The following MYO7B variants were observed in gnomAD, a reference collection of about 807,000 sequenced individuals.
MYO7B encodes the protein myosin VIIB.
In MYO7B, 212 loss-of-function variants were observed where a neutral mutation model predicts 259.7. The observed-to-expected ratio is 0.82, with a 90% CI of 0.73 to 0.91. The LOEUF (loss-of-function observed/expected upper bound fraction) is 0.91. Ranked by LOEUF, MYO7B falls within the 40% of genes least tolerant of loss-of-function variation. The pLI is 0.00. For synonymous variants in MYO7B, 1,197 were observed against 1,166.4 expected (o/e 1.03, Z -0.54); for missense variants, 2,732 against 2,813.5 (o/e 0.97, Z 0.66).
chr2:127,584,355 C>A lies in MYO7B; in HGVS notation c.1554+23C>A, dbSNP rs1262204305. Reference sequence around the variant, plus strand: ...CAGGTGTGTGTTCGGGCCTGCCGACCTTCTGGTGGAGGCCCTGCTATGGGT... The same window carrying A: ...CAGGTGTGTGTTCGGGCCTGCCGACATTCTGGTGGAGGCCCTGCTATGGGT... On this transcript the variant is annotated intron_variant, in intron 13 of 47. Transcript: ENST00000409816. The surrounding 1 kb of genome is among the most constrained non-coding windows in gnomAD (Gnocchi z 5.8). The A allele has an allele frequency of 1.9e-6, 3 of 1,610,690 alleles. No individual in the cohort carries two copies. Among genetic ancestry groups the A allele is most frequent in the Non-Finnish European group, 1.7e-6 (2 of 1,177,316 alleles).
chr2:127,567,810 GAGAC>G (rs999655380), intron 5 of MYO7B, among the ~76,000 whole-genome samples: 6 of 152,174 alleles, frequency 3.9e-5, no homozygotes, highest in African/African-American at 1.4e-4. Context: ...TCTAGAAGCG[GAGAC>G]AGACAGGCAA....
intron 18 of MYO7B, 109 bp from the exon 19 acceptor site, chr2:127,596,353 C>G (rs1679768702): frequency 3.3e-6 from 3 of 903,544 alleles, no homozygotes; most frequent in African/African-American, 3.3e-5. Context: ...GGCCTGCCCT[C>G]CTGGGAGAAG....
At chr2:127,556,600 C>T (rs1693643991) in intron 1 of MYO7B, among the ~76,000 whole-genome samples, 1 of 152,178 alleles carries the variant, frequency 6.6e-6, no homozygotes, top group South Asian at 2.1e-4. Flanking sequence ...CAAATTCTCT[C>T]AGCATTTGTT....
rs543003155 is a variant in MYO7B at position 127,630,082 on chromosome 2, C to A, written c.4806+256C>A. ...TCATGGGGGTGTCCGGGGGACAAACCCAATCTTTCTCTGCCTCATTTACAC... is the reference window on the plus strand; with the variant it reads ...TCATGGGGGTGTCCGGGGGACAAACACAATCTTTCTCTGCCTCATTTACAC... On this transcript the variant is annotated intron_variant, in intron 35 of 47. Coordinates refer to ENST00000409816, the MANE Select transcript of MYO7B (RefSeq NM_001393586.1). 4.1e-4 allele frequency among the ~76,000 whole-genome samples: 62 copies of A among 152,294 alleles called. No homozygotes were observed. In the South Asian group the frequency reaches 0.011, roughly 27 times the overall value.
At chr2:127,633,508 C>T in intron 40 of MYO7B, 145 bp downstream of exon 40, 1 of 784,876 alleles carries the variant, frequency 1.3e-6, no homozygotes. Context: ...CCGCCCTCTC[C>T]CCATGGGATG....
chr2:127,626,822 C>T lies in MYO7B; in HGVS notation c.4216-153C>T, dbSNP rs956733285. 23 of 660,404 alleles carry T rather than the reference C, an allele frequency of 3.5e-5. 1 individual carries two copies. Among genetic ancestry groups the T allele is most frequent in the South Asian group, 1.7e-4 (9 of 51,908 alleles). 40.9% of individuals were successfully genotyped at this position (660,404 alleles called of 1,614,324 possible). A position where few individuals can be genotyped will look rare whatever the true frequency, so the allele number is the denominator to read the frequency against. On this transcript the variant is annotated intron_variant, in intron 31 of 47. Transcript: ENST00000409816. Reference sequence around the variant, plus strand: ...ATAGGGCTGCACCAGTCCCTGGGGACGTCCCAGGTGCCTCCCTACAGGATC... The same window carrying T: ...ATAGGGCTGCACCAGTCCCTGGGGATGTCCCAGGTGCCTCCCTACAGGATC...
intron 19 of MYO7B, among the ~76,000 whole-genome samples, chr2:127,604,208 C>T (rs1680075244): frequency 6.6e-6 from 1 of 152,222 alleles, no homozygotes; most frequent in Admixed American, 6.5e-5. Context: ...CTGGATAACT[C>T]GTTGCAGCTT....
At chr2:127,555,333 C>T (rs1229930139) in intron 1 of MYO7B, among the ~76,000 whole-genome samples, 2 of 152,142 alleles carry the variant, frequency 1.3e-5, no homozygotes, top group Non-Finnish European at 2.9e-5. Context: ...CAAAAAACCA[C>T]CTTTTTGTTT....
At chr2:127,550,569 A>G (rs970667655) in intron 1 of MYO7B, among the ~76,000 whole-genome samples, 1 of 151,970 alleles carries the variant, frequency 6.6e-6, no homozygotes, top group African/African-American at 2.4e-5. Flanking sequence ...AAAAAAAAAA[A>G]AAGCTCTAGG....
At chr2:127,620,092 T>C in intron 26 of MYO7B, 1 of 339,514 alleles carries the variant, frequency 2.9e-6, no homozygotes, top group Non-Finnish European at 5.4e-6. Context: ...GAGAACCTGC[T>C]GCTTCCTGAA....
Position 127,611,722 on chromosome 2 carries a change from T to G in MYO7B, c.3193-528T>G, listed in dbSNP as rs1161613012. Among the ~76,000 whole-genome samples the G allele has an allele frequency of 6.6e-6, 1 of 152,194 alleles. No individual in the cohort carries two copies. Among genetic ancestry groups the G allele is most frequent in the African/African-American group, 2.4e-5 (1 of 41,444 alleles). ...GACGCCATCATGAGAAGGGGCGGCCTCTGCCTAAGGAGAGCAACAGATCGT... is the reference window on the plus strand; with the variant it reads ...GACGCCATCATGAGAAGGGGCGGCCGCTGCCTAAGGAGAGCAACAGATCGT... On this transcript the variant is annotated intron_variant, in intron 24 of 47. Transcript: ENST00000409816. This position sits in a 1 kb window ranked among gnomAD's most constrained non-coding sequence, Gnocchi z 5.4.
chr2:127,620,081 G>A (rs896148531), intron 26 of MYO7B: 4 of 322,298 alleles, frequency 1.2e-5, no homozygotes, highest in Admixed American at 4.6e-5. Flanking sequence ...GGCTGTGGCT[G>A]GAGAACCTGC....
rs1438830137 is a variant in MYO7B at position 127,635,061 on chromosome 2, G to C, written c.5714-59G>C. The stretch of plus-strand genomic sequence containing the variant: ...AGGCGCAGTGTGGGGGGTGGCAGGG[G>C]GTCAGGGCTGGTGTACCTGCTGGGA... On this transcript the variant is annotated intron_variant, in intron 42 of 47. Coordinates refer to ENST00000409816, the MANE Select transcript of MYO7B (RefSeq NM_001393586.1). 4.3e-6 allele frequency: 6 copies of C among 1,404,906 alleles called. No individual in the cohort carries two copies. The African/African-American group carries it at 8.5e-5, about 20-fold the overall frequency. 87.0% of individuals were successfully genotyped at this position (1,404,906 alleles called of 1,614,324 possible). A position where few individuals can be genotyped will look rare whatever the true frequency, so the allele number is the denominator to read the frequency against.
intron 31 of MYO7B, chr2:127,626,138 G>T (rs1371871459): frequency 1.3e-5 from 2 of 152,354 alleles, no homozygotes; most frequent in Non-Finnish European, 2.9e-5. Flanking sequence ...CAGCACAGTG[G>T]TGCTGGGGAG....
chr2:127,551,443 C>T (rs114652002), intron 1 of MYO7B, among the ~76,000 whole-genome samples: 15 of 152,180 alleles, frequency 9.9e-5, no homozygotes, highest in Non-Finnish European at 2.9e-5. Flanking sequence ...AACCTCCAGG[C>T]TCCCCAGGCT....
intron 26 of MYO7B, among the ~76,000 whole-genome samples, chr2:127,619,353 G>A (rs1345467481): frequency 3.7e-5 from 5 of 136,326 alleles, no homozygotes; most frequent in African/African-American, 1.1e-4. Context: ...GGCCGGCTGG[G>A]TGGTGGGCGC....
chr2:127,595,816 G>A (rs1039405045), intron 18 of MYO7B, among the ~76,000 whole-genome samples: 5 of 152,184 alleles, frequency 3.3e-5, no homozygotes, highest in African/African-American at 1.2e-4. Context: ...TAAGTTGATT[G>A]CACTGTAGTC....
At chr2:127,570,070 G>C (rs1006024207) in intron 6 of MYO7B, among the ~76,000 whole-genome samples, 160 bp downstream of exon 6, 2 of 152,262 alleles carry the variant, frequency 1.3e-5, no homozygotes, top group African/African-American at 2.4e-5. Flanking sequence ...GTAGGGGAAG[G>C]GGGGCCAGGC....
At chr2:127,624,428 G>A (rs1280981209) in intron 30 of MYO7B, 108 bp downstream of exon 30, 4 of 1,009,250 alleles carry the variant, frequency 4.0e-6, no homozygotes, top group Admixed American at 4.8e-5. Flanking sequence ...GGGGGGGCAG[G>A]AAAGGGGGTC....
Sources: allele counts gnomAD v4.1 joint callset (sites outside exome capture counted in the v4.1 genomes callset), GRCh38; gene constraint gnomAD v4.1.1; non-coding constraint Gnocchi (gnomAD v3.1); transcripts MANE v1.5; gene names NCBI Gene and HGNC (gene_info 2026-07-23, HGNC 2026-07-21).